CMTM6: variants seen among roughly 807,000 people sequenced by gnomAD.
CMTM6 encodes CKLF like MARVEL transmembrane domain containing 6.
A neutral mutation model predicts 13.6 loss-of-function variants in CMTM6; 5 were observed. The observed-to-expected ratio is 0.37, with a 90% confidence interval of 0.19 to 0.77. The LOEUF (loss-of-function observed/expected upper bound fraction) is 0.77, where lower values mean the gene tolerates loss of function less well. Among genes scored for constraint, CMTM6 ranks in the 30% least tolerant of loss-of-function variants. The probability of loss-of-function intolerance (pLI) is 0.50; values close to 1 mark genes in which losing one functional copy is unlikely to be tolerated. For synonymous variants in CMTM6, 99 were observed against 84.5 expected (o/e 1.17, Z -0.94); for missense variants, 196 against 218.6 (o/e 0.90, Z 0.65).
At chr3:32,494,972 T>C (rs1356619109) in intron 1 of CMTM6, among the ~76,000 whole-genome samples, 1 of 151,882 alleles carries the variant, frequency 6.6e-6, no homozygotes, top group Non-Finnish European at 1.5e-5. Flanking sequence ...TACATAGAAT[T>C]ACACACACAT....
intron 1 of CMTM6, among the ~76,000 whole-genome samples, chr3:32,497,488 A>G (rs1037996728): frequency 6.6e-6 from 1 of 151,526 alleles, no homozygotes; most frequent in Non-Finnish European, 1.5e-5. Flanking sequence ...AGGGGTGGGA[A>G]AGTGGTTTTA....
At chr3:32,486,779 G>A (rs1697209281) in intron 3 of CMTM6, among the ~76,000 whole-genome samples, 1 of 152,194 alleles carries the variant, frequency 6.6e-6, no homozygotes, top group African/African-American at 2.4e-5. Context: ...AGCTGGAAGT[G>A]ACAGGATCAT....
chr3:32,482,061 C>T lies in CMTM6; in HGVS notation c.*1899G>A, dbSNP rs1210785608. On this transcript the variant is annotated 3_prime_UTR_variant, in exon 4 of 4. Coordinates refer to ENST00000205636, the MANE Select transcript of CMTM6 (RefSeq NM_017801.3). ...GTACAGTCTGATGTGAAACTTTAGT[C>T]TACCTACCATAAACTCGTTTTCTGA... 6.6e-6 allele frequency: 1 copy of T among 152,188 alleles called. No individual in the cohort carries two copies. The highest frequency in any genetic ancestry group is 2.4e-5 in the African/African-American group (1 of 41,440). The allele number at this position is 152,188 out of a possible 1,614,324, so 9.4% of individuals were successfully genotyped here.
At chr3:32,486,393 A>G (rs1485212938) in intron 3 of CMTM6, among the ~76,000 whole-genome samples, 2 of 143,468 alleles carry the variant, frequency 1.4e-5, no homozygotes, top group East Asian at 4.0e-4. Context: ...AAGTAAGCCT[A>G]TTTACATGGA....
rs929861398 is a variant in CMTM6 at position 32,483,550 on chromosome 3, T to C, written c.*410A>G. 6.5e-6 allele frequency: 1 copy of C among 152,672 alleles called. No homozygotes were observed. Among genetic ancestry groups the C allele is most frequent in the Non-Finnish European group, 1.5e-5 (1 of 68,374 alleles). 9.5% of individuals were successfully genotyped at this position (152,672 alleles called of 1,614,324 possible). A position where few individuals can be genotyped will look rare whatever the true frequency, so the allele number is the denominator to read the frequency against. On this transcript the variant is annotated 3_prime_UTR_variant, in exon 4 of 4. Coordinates refer to ENST00000205636, the MANE Select transcript of CMTM6 (RefSeq NM_017801.3). ...CAAAACAAACAGCTAAGCAAATTAA[T>C]TTAAAAATAAAACAATTTCTAAGTA...
At chr3:32,498,125 T>G (rs750566230) in intron 1 of CMTM6, among the ~76,000 whole-genome samples, 3 of 152,218 alleles carry the variant, frequency 2.0e-5, no homozygotes, top group Non-Finnish European at 4.4e-5. Context: ...GTATACCCAA[T>G]GTAACTCCTT....
intron 1 of CMTM6, among the ~76,000 whole-genome samples, chr3:32,493,413 G>GT (rs1458260477): frequency 2.6e-5 from 4 of 152,152 alleles, no homozygotes; most frequent in Admixed American, 1.3e-4. Flanking sequence ...AAAGAGTCAG[G>GT]TTTTTTTCTT....
intron 2 of CMTM6, among the ~76,000 whole-genome samples, chr3:32,490,143 G>A (rs182247112): frequency 1.1e-4 from 16 of 152,224 alleles, no homozygotes; most frequent in Admixed American, 8.5e-4. Flanking sequence ...CTATTCGGGA[G>A]GCTGAAGCAG....
At chr3:32,497,166 G>A (rs981979240) in intron 1 of CMTM6, among the ~76,000 whole-genome samples, 14 of 151,900 alleles carry the variant, frequency 9.2e-5, no homozygotes, top group African/African-American at 3.4e-4. Flanking sequence ...GGCGGATCAC[G>A]AGGTCAGGAG....
At chr3:32,498,597 C>CTT (rs58720077) in intron 1 of CMTM6, among the ~76,000 whole-genome samples, 33,656 of 126,960 alleles carry the variant, frequency 0.27, 5,061 homozygotes, top group Non-Finnish European at 0.29. Flanking sequence ...ACTACCCCTT[C>CTT]TTTTTTTTTT....
At chr3:32,495,717 G>A (rs890651640) in intron 1 of CMTM6, among the ~76,000 whole-genome samples, 10 of 152,126 alleles carry the variant, frequency 6.6e-5, no homozygotes, top group African/African-American at 2.2e-4. Context: ...TCTACTTTCA[G>A]TAAAAAAAGA....
At chr3:32,486,131 C>G (rs1014067196) in intron 3 of CMTM6, among the ~76,000 whole-genome samples, 1 of 152,238 alleles carries the variant, frequency 6.6e-6, no homozygotes, top group Admixed American at 6.5e-5. Context: ...CCGCCTTGGC[C>G]TCCCAAAGTG....
intron 1 of CMTM6, among the ~76,000 whole-genome samples, chr3:32,494,585 T>C (rs1697274039): frequency 6.6e-6 from 1 of 150,682 alleles, no homozygotes. Context: ...TTTATAACAA[T>C]TTTATTCATA....
rs1047417432 is a variant in CMTM6 at position 32,483,781 on chromosome 3, T to C, written c.*179A>G. 5 of 512,188 alleles carry C rather than the reference T, an allele frequency of 9.8e-6. No individual in the cohort carries two copies. Among genetic ancestry groups the C allele is most frequent in the Non-Finnish European group, 1.5e-5 (5 of 324,990 alleles). The allele number at this position is 512,188 out of a possible 1,614,324, so 31.7% of individuals were successfully genotyped here. ...TATTTAAAAAAAAATTTTTTTTAAC[T>C]TATCTGGCCTACTTTGTGGTGACTG... On this transcript the variant is annotated 3_prime_UTR_variant, in exon 4 of 4. Transcript: ENST00000205636.
chr3:32,496,175 T>A (rs527448514), intron 1 of CMTM6, among the ~76,000 whole-genome samples: 2 of 140,238 alleles, frequency 1.4e-5, no homozygotes. Context: ...CACTCCAGCC[T>A]GGGTGACAAA....
At chr3:32,498,105 C>G (rs1697312065) in intron 1 of CMTM6, among the ~76,000 whole-genome samples, 1 of 152,108 alleles carries the variant, frequency 6.6e-6, no homozygotes, top group African/African-American at 2.4e-5. Flanking sequence ...AAGCTAAGTA[C>G]TTAACAACTG....
chr3:32,497,835 G>A (rs1697309870), intron 1 of CMTM6, among the ~76,000 whole-genome samples: 1 of 149,888 alleles, frequency 6.7e-6, no homozygotes, highest in Admixed American at 6.7e-5. Context: ...TCCAGCTTGG[G>A]TGACAGAGCG....
At chr3:32,501,330 GAGAAGGA>G (rs1200153669) in intron 1 of CMTM6, among the ~76,000 whole-genome samples, 13 of 152,112 alleles carry the variant, frequency 8.5e-5, no homozygotes, top group South Asian at 4.1e-4. Flanking sequence ...GACAAGAGAA[GAGAAGGA>G]AGAAGGAAGA....
In CMTM6 at chr3:32,481,707, A is replaced by G. The variant is rs1697154941; in HGVS notation, c.*2253T>C. ...TTACTCCTATTTATTTCCTTCTACA[A>G]TAGAAAAGAAAGGCTAACCATTCAT... is the stretch of plus-strand genomic sequence containing the variant. On this transcript the variant is annotated 3_prime_UTR_variant, in exon 4 of 4. Coordinates refer to ENST00000205636, the MANE Select transcript of CMTM6 (RefSeq NM_017801.3). 1 of 152,190 alleles carries G rather than the reference A, an allele frequency of 6.6e-6. No individual in the cohort carries two copies. The highest frequency in any genetic ancestry group is 1.5e-5 in the Non-Finnish European group (1 of 68,036). 9.4% of individuals were successfully genotyped at this position (152,190 alleles called of 1,614,324 possible).
Sources: allele counts gnomAD v4.1 joint callset (sites outside exome capture counted in the v4.1 genomes callset), GRCh38; gene constraint gnomAD v4.1.1; transcripts MANE v1.5; gene names NCBI Gene and HGNC (gene_info 2026-07-23, HGNC 2026-07-21).